The following MYO5C variants were observed in gnomAD, a reference collection of about 807,000 sequenced individuals.
MYO5C encodes myosin VC.
MYO5C carries 194 observed loss-of-function variants against 235.7 expected under a neutral mutation model. The ratio of observed to expected loss-of-function variants is 0.82; its 90% CI spans 0.73 to 0.93. The LOEUF (loss-of-function observed/expected upper bound fraction) is 0.93. Among genes scored for constraint, MYO5C ranks in the 40% least tolerant of loss-of-function variants. The pLI, the probability that MYO5C is intolerant of heterozygous loss-of-function variation, is 0.00. For synonymous variants in MYO5C, 707 were observed against 754.8 expected (o/e 0.94, Z 1.04); for missense variants, 2,038 against 2,127.2 (o/e 0.96, Z 0.82).
At chr15:52,242,502 C>T (rs2036249457) in intron 19 of MYO5C, 1 of 327,374 alleles carries the variant, frequency 3.1e-6, no homozygotes. Flanking sequence ...TGGTGCTGCA[C>T]TTGCTCAATC....
rs1289918270 is a variant in MYO5C at position 52,193,344 on chromosome 15, G to A, written c.*558C>T. ...AAAAAAAAAAAAAAAAATTTAGAAG[G>A]GTCTAAAATAAACATTTTTAAATGC... On this transcript the variant is annotated 3_prime_UTR_variant, in exon 41 of 41. Coordinates refer to ENST00000261839, the MANE Select transcript of MYO5C (RefSeq NM_018728.4). The A allele has an allele frequency of 6.6e-6, 1 of 151,524 alleles. No homozygotes were observed. The highest frequency in any genetic ancestry group is 1.5e-5 in the Non-Finnish European group (1 of 67,948). The allele number at this position is 151,524 out of a possible 1,614,324, so 9.4% of individuals were successfully genotyped here.
At chr15:52,207,568 A>G (rs2035348366) in intron 36 of MYO5C, among the ~76,000 whole-genome samples, 1 of 152,240 alleles carries the variant, frequency 6.6e-6, no homozygotes, top group African/African-American at 2.4e-5. Context: ...AACATAATTA[A>G]TTGTGAACTC....
intron 10 of MYO5C, among the ~76,000 whole-genome samples, chr15:52,257,935 G>A (rs116951989): frequency 0.018 from 2,756 of 152,302 alleles, 36 homozygotes; most frequent in Non-Finnish European, 0.025. Context: ...CAGCTCCAGG[G>A]TGATTCATAG....
chr15:52,242,779 T>C (rs1483443388), intron 19 of MYO5C: 1 of 152,404 alleles, frequency 6.6e-6, no homozygotes, highest in Non-Finnish European at 1.5e-5. Context: ...AAACAGTTAT[T>C]CTGCTTGGGG....
chr15:52,205,697 T>TGAA lies in MYO5C; in HGVS notation c.4537+118_4537+119insTTC, dbSNP rs1487182949. The TGAA allele has an allele frequency of 8.3e-5, 46 of 552,926 alleles. No homozygotes were observed. The Middle Eastern group carries it at 1.5e-3, about 18-fold the overall frequency. 34.3% of individuals were successfully genotyped at this position (552,926 alleles called of 1,614,324 possible). ...TAAAAGGCAGATATCTACATGATTATATTTCCTTGGCTTTTTAAACAATGT... is the reference window on the plus strand; with the variant it reads ...TAAAAGGCAGATATCTACATGATTATGAAATTTCCTTGGCTTTTTAAACAATGT... On this transcript the variant is annotated intron_variant, in intron 37 of 40. Coordinates refer to ENST00000261839, the MANE Select transcript of MYO5C (RefSeq NM_018728.4).
chr15:52,295,757 G>T lies in MYO5C; in HGVS notation c.-121C>A. The T allele has an allele frequency of 1.5e-6, 1 of 664,222 alleles. No homozygotes were observed. Among genetic ancestry groups the T allele is most frequent in the Non-Finnish European group, 2.2e-6 (1 of 448,800 alleles). 41.1% of individuals were successfully genotyped at this position (664,222 alleles called of 1,614,324 possible). ...GCGGAAATCACCGCCGGGCCATCTT[G>T]CCCAAAGTTTTCCAACGGCCTCCTG... is the stretch of plus-strand genomic sequence containing the variant. On this transcript the variant is annotated 5_prime_UTR_variant, in exon 1 of 41. Coordinates refer to ENST00000261839, the MANE Select transcript of MYO5C (RefSeq NM_018728.4).
At chr15:52,266,504 A>T (rs1400220120) in intron 8 of MYO5C, among the ~76,000 whole-genome samples, 1 of 152,160 alleles carries the variant, frequency 6.6e-6, no homozygotes, top group Non-Finnish European at 1.5e-5. Context: ...CAGCAGCAGA[A>T]ATGGAGGGGA....
intron 2 of MYO5C, among the ~76,000 whole-genome samples, chr15:52,282,257 C>T (rs2037175435): frequency 6.6e-6 from 1 of 152,212 alleles, no homozygotes; most frequent in African/African-American, 2.4e-5. Flanking sequence ...CTCCCTTACA[C>T]ATTTCTATAT....
chr15:52,253,673 G>T (rs796602053), intron 11 of MYO5C, among the ~76,000 whole-genome samples: 5 of 152,322 alleles, frequency 3.3e-5, no homozygotes, highest in African/African-American at 1.2e-4. Flanking sequence ...GTCTGAGTGG[G>T]TCTCTACCTC....
chr15:52,278,757 T>G, intron 4 of MYO5C, 116 bp downstream of exon 4: 1 of 1,214,064 alleles, frequency 8.2e-7, no homozygotes, highest in Non-Finnish European at 1.2e-6. Flanking sequence ...AAGCACCACC[T>G]CTGGCCTATC....
Position 52,219,741 on chromosome 15 carries a change from A to G in MYO5C, c.3785+18T>C, listed in dbSNP as rs756204413. 6.3e-7 allele frequency: 1 copy of G among 1,590,466 alleles called. No individual in the cohort carries two copies. The highest frequency in any genetic ancestry group is 8.6e-7 in the Non-Finnish European group (1 of 1,159,784). ...TTACACGAGCATGAACTTGAGGTAC[A>G]CACATATTTACACTTACTTTCTTTG... On this transcript the variant is annotated intron_variant, in intron 31 of 40. Transcript: ENST00000261839.
chr15:52,245,421 G>A lies in MYO5C; in HGVS notation c.2111C>T (p.Thr704Ile). Residue 704 changes from threonine to isoleucine, a missense_variant, in exon 18 of 41, where the codon ACC (threonine) becomes ATC (isoleucine). By Grantham distance (89) the Thr-to-Ile change is moderately conservative. Coordinates refer to ENST00000261839, the MANE Select transcript of MYO5C (RefSeq NM_018728.4). ...ATCGCTGAAGGAAAGCTCTTGCTTG[G>A]TCATGAGAATGCCGTAGCGACTGTA... ...EFYSRYGILMTKQELSFSDKK... is the reference protein window; with the variant it reads ...EFYSRYGILMIKQELSFSDKK... 2 of 1,614,140 alleles carry A rather than the reference G, an allele frequency of 1.2e-6. No individual in the cohort carries two copies. Among genetic ancestry groups the A allele is most frequent in the Non-Finnish European group, 8.5e-7 (1 of 1,180,008 alleles).
rs1596120368 is a variant in MYO5C at position 52,192,777 on chromosome 15, T to C, written c.*1125A>G. 6.6e-6 allele frequency: 1 copy of C among 152,188 alleles called. No individual in the cohort carries two copies. The highest frequency in any genetic ancestry group is 1.9e-4 in the East Asian group (1 of 5,200). 9.4% of individuals were successfully genotyped at this position (152,188 alleles called of 1,614,324 possible). ...AAATTTAAAAATAAATACATTGAAATGCTGATTAGAGAGCGAAAGTAATTT... is the reference window on the plus strand; with the variant it reads ...AAATTTAAAAATAAATACATTGAAACGCTGATTAGAGAGCGAAAGTAATTT... On this transcript the variant is annotated 3_prime_UTR_variant, in exon 41 of 41. Transcript: ENST00000261839.
Position 52,246,903 on chromosome 15 carries a change from A to G in MYO5C, c.1979+14T>C, listed in dbSNP as rs2036360178. 1 of 1,607,900 alleles carries G rather than the reference A, an allele frequency of 6.2e-7. No homozygotes were observed. Among genetic ancestry groups the G allele is most frequent in the Non-Finnish European group, 8.5e-7 (1 of 1,176,168 alleles). On this transcript the variant is annotated intron_variant, in intron 16 of 40. Coordinates refer to ENST00000261839, the MANE Select transcript of MYO5C (RefSeq NM_018728.4). ...TTCCCACGTCTTCGCTGTGTGTTGC[A>G]TAAGAACACTTACTCAAAGGGTAAC...
rs764800390 is a variant in MYO5C, at chr15:52,239,390, C to T, written c.2703+343G>A. Among the ~76,000 whole-genome samples the T allele has an allele frequency of 3.6e-4, 55 of 152,356 alleles. No individual in the cohort carries two copies. In the Middle Eastern group the frequency reaches 0.01, roughly 28 times the overall value. On this transcript the variant is annotated intron_variant, in intron 21 of 40. Transcript: ENST00000261839. ...GAGCTGATGTCATCCCAAGGCAGCA[C>T]GCTTGGCATGCGGACAGCATCTTTG... is the stretch of plus-strand genomic sequence containing the variant.
chr15:52,225,122 G>A lies in MYO5C; in HGVS notation c.3318C>T (p.Ile1106=). The A allele has an allele frequency of 6.2e-7, 1 of 1,614,040 alleles. No individual in the cohort carries two copies. The highest frequency in any genetic ancestry group is 8.5e-7 in the Non-Finnish European group (1 of 1,179,994). ...KREMREKMSE[I]TKQLLESYDI... is the part of the protein sequence containing the mutation. Reference sequence around the variant, plus strand: ...CATAGCTTTCGAGAAGTTGTTTGGTGATCTCTGACATCTTTTCTGAAAGGG... The same window carrying A: ...CATAGCTTTCGAGAAGTTGTTTGGTAATCTCTGACATCTTTTCTGAAAGGG... Residue 1106 remains isoleucine, a synonymous_variant, in exon 27 of 41, where the codon ATC becomes ATT. Transcript: ENST00000261839.
Position 52,224,160 on chromosome 15 carries a change from G to A in MYO5C, c.3447-436C>T, listed in dbSNP as rs895714089. Among the ~76,000 whole-genome samples the A allele has an allele frequency of 9.9e-5, 15 of 152,262 alleles. 1 individual carries two copies. The highest frequency in any genetic ancestry group is 7.9e-4 in the Admixed American group (12 of 15,284). ...TAGCCAGGTGTGGTAGCGCATGCCT[G>A]TAGTTCCAGCTACTTGGGAGGCTGA... On this transcript the variant is annotated intron_variant, in intron 28 of 40. Transcript: ENST00000261839.
chr15:52,225,165 T>A, intron 26 of MYO5C, 27 bp from the exon 27 acceptor site: 1 of 1,611,646 alleles, frequency 6.2e-7, no homozygotes, highest in South Asian at 1.1e-5. Context: ...GAGTTGTATA[T>A]ATTACATTTG....
intron 4 of MYO5C, among the ~76,000 whole-genome samples, chr15:52,276,028 C>T (rs1295714556): frequency 6.6e-6 from 1 of 152,134 alleles, no homozygotes; most frequent in Non-Finnish European, 1.5e-5. Context: ...AGGATTTTTG[C>T]TTTTAAACTC....
Sources: gnomAD v4.1 joint callset for allele counts (sites outside exome capture counted in the v4.1 genomes callset) on GRCh38, gnomAD v4.1.1 for gene constraint, MANE v1.5 for transcripts, NCBI Gene and HGNC (gene_info 2026-07-23, HGNC 2026-07-21) for gene names.